MAMDC2: variants seen among roughly 807,000 people sequenced by gnomAD.
MAMDC2 encodes the protein MAM domain-containing protein 2.
In MAMDC2, 57 loss-of-function variants were observed where a neutral mutation model predicts 89.8. The observed-to-expected ratio is 0.63, with a 90% CI of 0.51 to 0.79. The LOEUF is 0.79. Ranked by LOEUF, MAMDC2 falls within the 30% of genes least tolerant of loss-of-function variation. The pLI is 0.00. For missense variants in MAMDC2, 800 were observed against 820.6 expected (o/e 0.97, Z 0.31); for synonymous variants, 313 against 293.4 (o/e 1.07, Z -0.68).
At chr9:70,081,650 A>G (rs1827656334) in intron 2 of MAMDC2, 2 of 152,136 alleles carry the variant, frequency 1.3e-5, no homozygotes, top group African/African-American at 4.8e-5. Flanking sequence ...ACTGCCTTAC[A>G]AATTCTCAGT....
chr9:70,093,725 C>G (rs1827962686), intron 2 of MAMDC2: 1 of 152,220 alleles, frequency 6.6e-6, no homozygotes, highest in Non-Finnish European at 1.5e-5. Flanking sequence ...AGCCACCGCA[C>G]TCGGCCTAAA....
intron 2 of MAMDC2, among the ~76,000 whole-genome samples, chr9:70,053,973 T>TA (rs1826970612): frequency 6.6e-6 from 1 of 152,098 alleles, no homozygotes; most frequent in Non-Finnish European, 1.5e-5. Context: ...TACTGATTGA[T>TA]AGGAGTAATG....
intron 2 of MAMDC2, among the ~76,000 whole-genome samples, chr9:70,059,365 T>C (rs964080084): frequency 6.6e-6 from 1 of 151,332 alleles, no homozygotes; most frequent in African/African-American, 2.5e-5. Context: ...AGGGTTTAGA[T>C]AGTTTGTTTT....
chr9:70,088,675 A>G (rs1037068665), intron 2 of MAMDC2: 5 of 150,806 alleles, frequency 3.3e-5, no homozygotes, highest in Non-Finnish European at 4.4e-5. Flanking sequence ...CAGTACAACT[A>G]CTCCCAAGTT....
chr9:70,049,633 C>T (rs1796937859), intron 2 of MAMDC2, among the ~76,000 whole-genome samples: 1 of 152,200 alleles, frequency 6.6e-6, no homozygotes, highest in Non-Finnish European at 1.5e-5. Context: ...TCTTAGAGCT[C>T]TCTAAGCAGA....
chr9:70,121,254 C>T (rs2030268991), intron 5 of MAMDC2, among the ~76,000 whole-genome samples: 1 of 152,208 alleles, frequency 6.6e-6, no homozygotes, highest in Admixed American at 6.5e-5. Context: ...AAAAGTTCAG[C>T]TAATACAGAG....
chr9:70,078,187 G>A (rs1207933803), intron 2 of MAMDC2, among the ~76,000 whole-genome samples: 1 of 152,102 alleles, frequency 6.6e-6, no homozygotes, highest in Admixed American at 6.5e-5. Flanking sequence ...GATATCCAAG[G>A]TGACTCTGTA....
chr9:70,121,961 G>C (rs1052615601), intron 5 of MAMDC2, among the ~76,000 whole-genome samples: 17 of 152,152 alleles, frequency 1.1e-4, no homozygotes, highest in African/African-American at 3.9e-4. Flanking sequence ...CACTCAGCCT[G>C]GTTTGGCTGT....
At chr9:70,069,914 C>T (rs945850295) in intron 2 of MAMDC2, among the ~76,000 whole-genome samples, 2 of 152,194 alleles carry the variant, frequency 1.3e-5, no homozygotes, top group African/African-American at 4.8e-5. Flanking sequence ...TTGACATATT[C>T]CTCAACTAAG....
intron 11 of MAMDC2, among the ~76,000 whole-genome samples, chr9:70,211,285 T>C (rs556724997): frequency 3.0e-4 from 46 of 152,380 alleles, no homozygotes; most frequent in East Asian, 9.6e-4. Context: ...ATTTGGTCTT[T>C]TGACATAGTC....
chr9:70,183,837 C>A (rs563950857), intron 11 of MAMDC2, among the ~76,000 whole-genome samples: 1 of 151,964 alleles, frequency 6.6e-6, no homozygotes. Flanking sequence ...GCATTTAGCC[C>A]GTTTACATTT....
intron 8 of MAMDC2, among the ~76,000 whole-genome samples, chr9:70,143,202 A>T (rs1176169093): frequency 1.3e-5 from 2 of 152,214 alleles, no homozygotes; most frequent in African/African-American, 4.8e-5. Flanking sequence ...AGTCCTCGGA[A>T]TGTACAATCT....
chr9:70,072,960 C>T (rs1827442539), intron 2 of MAMDC2, among the ~76,000 whole-genome samples: 2 of 152,114 alleles, frequency 1.3e-5, no homozygotes, highest in African/African-American at 2.4e-5. Flanking sequence ...TTCAGCCTCC[C>T]GAGTAGCTGG....
intron 11 of MAMDC2, among the ~76,000 whole-genome samples, chr9:70,204,253 T>G (rs1457245756): frequency 6.7e-6 from 1 of 149,678 alleles, no homozygotes; most frequent in South Asian, 2.1e-4. Flanking sequence ...GTCCTTTCTG[T>G]TTGTTAGTTT....
At chr9:70,178,457 C>T (rs1371630908) in intron 11 of MAMDC2, among the ~76,000 whole-genome samples, 6 of 152,274 alleles carry the variant, frequency 3.9e-5, no homozygotes, top group South Asian at 2.1e-4. Flanking sequence ...CCCTACCTTT[C>T]GACACCACTG....
rs1223036289 is a variant in MAMDC2 at position 70,149,044 on chromosome 9, A to AT, written c.1404+5225_1404+5226insT. Among the ~76,000 whole-genome samples the AT allele has an allele frequency of 1.0e-3, 118 of 118,042 alleles. 1 individual carries two copies. Among genetic ancestry groups the AT allele is most frequent in the Non-Finnish European group, 1.8e-3 (101 of 57,048 alleles). 77.4% of individuals were successfully genotyped at this position (118,042 alleles called of 152,430 possible). ...ACTCTGTCTCAAAAAAAAAAAAAAA[A>AT]ATTTTTTTTTTTTTTTATTAGCCAG... On this transcript the variant is annotated intron_variant, in intron 9 of 13. Coordinates refer to ENST00000377182, the MANE Select transcript of MAMDC2 (RefSeq NM_153267.5).
rs1442046737 is a variant in MAMDC2 at position 70,218,396 on chromosome 9, T to C, written c.1711T>C (p.Ser571Pro). Residue 571 changes from serine (S) to proline (P), a missense_variant, in exon 12 of 14, where the codon TCC (serine) becomes CCC (proline). Ser to Pro is a moderately conservative substitution (Grantham distance 74). Coordinates refer to ENST00000377182, the MANE Select transcript of MAMDC2 (RefSeq NM_153267.5). ...MVYGQKARLLSRPLRGVSGKH... is the reference protein window; with the variant it reads ...MVYGQKARLLPRPLRGVSGKH... ...GTATGGACAAAAAGCACGCCTCTTG[T>C]CCAGGCCTCTGCGAGGAGTCTCTGG... 1.2e-6 allele frequency: 2 copies of C among 1,614,082 alleles called. No homozygotes were observed. Among genetic ancestry groups the C allele is most frequent in the Non-Finnish European group, 1.7e-6 (2 of 1,180,030 alleles).
At chr9:70,157,625 T>G (rs10116027) in intron 9 of MAMDC2, 120,142 of 152,462 alleles carry the variant, frequency 0.79, 47,477 homozygotes, top group Admixed American at 0.83. Context: ...GGTTACATGT[T>G]TATCTATACG....
intron 2 of MAMDC2, chr9:70,082,044 G>A (rs527870890): frequency 2.0e-5 from 3 of 152,256 alleles, no homozygotes; most frequent in Admixed American, 2.0e-4. Flanking sequence ...CACAGCTCCA[G>A]TGTCATCCAC....
Sources: allele counts gnomAD v4.1 joint callset (sites outside exome capture counted in the v4.1 genomes callset), GRCh38; gene constraint gnomAD v4.1.1; transcripts MANE v1.5; gene names NCBI Gene and HGNC (gene_info 2026-07-23, HGNC 2026-07-21).